The following ENAM variants were observed in gnomAD, a reference collection of about 807,000 sequenced individuals.
ENAM encodes the protein enamelin.
ENAM carries 21 observed loss-of-function variants against 33.6 expected under a neutral mutation model. That is an observed-to-expected ratio of 0.63 (90% confidence interval 0.44 to 0.90). The LOEUF (loss-of-function observed/expected upper bound fraction) is 0.90, where lower values mean the gene tolerates loss of function less well. ENAM is among the 40% of genes least tolerant of loss of function. ENAM has a pLI of 0.00. For missense variants in ENAM, 1,388 were observed against 1,366.9 expected, an observed-to-expected ratio of 1.02 and a Z score of -0.24; for synonymous variants, 473 against 468.4, an observed-to-expected ratio of 1.01 and a Z score of -0.13.
At chr4:70,633,531 G>T (rs1464013191) in intron 5 of ENAM, among the ~76,000 whole-genome samples, 1 of 152,028 alleles carries the variant, frequency 6.6e-6, no homozygotes, top group East Asian at 1.9e-4. Context: ...CAAAGCGTGG[G>T]TACATCATCT....
rs1738724355 is a variant in ENAM, at chr4:70,645,100, A to G, written c.*245A>G. The G allele has an allele frequency of 1.9e-6, 1 of 526,256 alleles. No individual in the cohort carries two copies. The highest frequency in any genetic ancestry group is 3.4e-6 in the Non-Finnish European group (1 of 296,338). 32.6% of individuals were successfully genotyped at this position (526,256 alleles called of 1,614,324 possible). A position where few individuals can be genotyped will look rare whatever the true frequency, so the allele number is the denominator to read the frequency against. ...TTAAAAAAGCAAGAAGGCCATGACCATCCCTGCCTCGAAACTTGCAAGTCA... is the reference window on the plus strand; with the variant it reads ...TTAAAAAAGCAAGAAGGCCATGACCGTCCCTGCCTCGAAACTTGCAAGTCA... On this transcript the variant is annotated 3_prime_UTR_variant, in exon 9 of 9. Transcript: ENST00000396073.
intron 2 of ENAM, among the ~76,000 whole-genome samples, chr4:70,630,558 C>A (rs1409427386): frequency 6.6e-6 from 1 of 152,090 alleles, no homozygotes; most frequent in Admixed American, 6.6e-5. Flanking sequence ...AAATACGAGA[C>A]TTAATTTTAC....
rs766941651 is a variant in ENAM, at chr4:70,644,303, T to A, written c.2877T>A (p.Ser959=). The A allele has an allele frequency of 6.2e-7, 1 of 1,614,232 alleles. No individual in the cohort carries two copies. Among genetic ancestry groups the A allele is most frequent in the South Asian group, 1.1e-5 (1 of 91,086 alleles). ...CGCTGAGGAGGAACACACCATGTTC[T>A]ATAAAGAATCAACTGGGCCAAAAGG... is the stretch of plus-strand genomic sequence containing the variant. ...VSTLRRNTPC[S]IKNQLGQKEI... The change falls in exon 9 of 9, where the codon TCT becomes TCA. Residue 959 remains serine (S), a synonymous_variant. Coordinates refer to ENST00000396073, the MANE Select transcript of ENAM (RefSeq NM_031889.3).
In ENAM at chr4:70,643,948, CAG is replaced by C. The variant is rs777916966; in HGVS notation, c.2530_2531del (p.Glu844ThrfsTer6). ...ATGCAAATAACTAGGATGAATTCTC[CAG>C]AGAGAGAACATTCATCTTTCCCTAA... On this transcript the variant is annotated frameshift_variant, in exon 9 of 9. Coordinates refer to ENST00000396073, the MANE Select transcript of ENAM (RefSeq NM_031889.3). LOFTEE classifies it low-confidence loss of function (END_TRUNC). 1 of 1,614,050 alleles carries C rather than the reference CAG, an allele frequency of 6.2e-7. No homozygotes were observed. Among genetic ancestry groups the C allele is most frequent in the South Asian group, 1.1e-5 (1 of 91,058 alleles).
At chr4:70,629,243 A>G (rs949066582) in intron 1 of ENAM, among the ~76,000 whole-genome samples, 198 bp from the exon 2 acceptor site, 2 of 152,130 alleles carry the variant, frequency 1.3e-5, no homozygotes, top group Non-Finnish European at 2.9e-5. Context: ...CCCTAGAAGT[A>G]TCTCAAAATA....
At chr4:70,641,205 A>G (rs534154345) in intron 8 of ENAM, among the ~76,000 whole-genome samples, 1 of 152,262 alleles carries the variant, frequency 6.6e-6, no homozygotes, top group South Asian at 2.1e-4. Context: ...GGGTGCATTC[A>G]GTTGGAGGTA....
rs913267973 is a variant in ENAM at position 70,646,640 on chromosome 4, T to C, written c.*1785T>C. The C allele has an allele frequency of 2.0e-5, 3 of 152,192 alleles. No individual in the cohort carries two copies. Among genetic ancestry groups the C allele is most frequent in the African/African-American group, 4.8e-5 (2 of 41,450 alleles). The allele number at this position is 152,192 out of a possible 1,614,324, so 9.4% of individuals were successfully genotyped here. The stretch of plus-strand genomic sequence containing the variant: ...TATATATTCAGCAACATTTCCATCA[T>C]AGAATTTCAGCGTTAGAAGGGATCT... On this transcript the variant is annotated 3_prime_UTR_variant, in exon 9 of 9. Transcript: ENST00000396073.
At chr4:70,635,949 T>C (rs1738442274) in intron 7 of ENAM, 55 bp downstream of exon 7, 1 of 892,760 alleles carries the variant, frequency 1.1e-6, no homozygotes, top group African/African-American at 1.7e-5. Flanking sequence ...TAGTATGTTA[T>C]AATTTAAATT....
Position 70,639,636 on chromosome 4 carries a change from C to T in ENAM, c.588+1793C>T, listed in dbSNP as rs117082523. 7.6e-4 allele frequency among the ~76,000 whole-genome samples: 115 copies of T among 152,214 alleles called. 2 individuals are homozygous for T. In the East Asian group the frequency reaches 0.021, roughly 28 times the overall value. ...ATCTGAATTTAGATAGGCACAATGG[C>T]TCACACCTGTAATCCCAACACTTTG... is the stretch of plus-strand genomic sequence containing the variant. On this transcript the variant is annotated intron_variant, in intron 8 of 8. Transcript: ENST00000396073.
chr4:70,636,162 A>G (rs963362974), intron 7 of ENAM, among the ~76,000 whole-genome samples: 1 of 152,194 alleles, frequency 6.6e-6, no homozygotes, highest in African/African-American at 2.4e-5. Context: ...AGGTTGCACT[A>G]CTTCATTACT....
rs1199137308 is a variant in ENAM, at chr4:70,643,407, G to A, written c.1981G>A (p.Gly661Arg). The part of the protein sequence containing the change: ...YNEEDPVDPT[G>R]DEVFPGQNRW... ...TGAAGAGGACCCAGTTGATCCAACT[G>A]GAGATGAAGTCTTTCCTGGACAAAA... is the stretch of plus-strand genomic sequence containing the variant. Residue 661 changes from glycine (G) to arginine (R), a missense_variant, in exon 9 of 9, where the codon GGA becomes AGA. Transcript: ENST00000396073. The A allele has an allele frequency of 6.2e-7, 1 of 1,614,120 alleles. No homozygotes were observed. Among genetic ancestry groups the A allele is most frequent in the African/African-American group, 1.3e-5 (1 of 75,034 alleles).
intron 2 of ENAM, 78 bp downstream of exon 2, chr4:70,629,632 C>A: frequency 9.8e-7 from 1 of 1,024,630 alleles, no homozygotes; most frequent in Non-Finnish European, 1.6e-6. Flanking sequence ...TTGAGAGGGC[C>A]AAACACTACT....
chr4:70,636,054 T>TAGAG lies in ENAM; in HGVS notation c.534+161_534+162insGAGA, dbSNP rs201212976. Among the ~76,000 whole-genome samples, 27,394 of 152,042 alleles carry TAGAG rather than the reference T, an allele frequency of 0.18. 5,732 individuals are homozygous for TAGAG. Among genetic ancestry groups the TAGAG allele is most frequent in the African/African-American group, 0.51 (21,275 of 41,362 alleles). The stretch of plus-strand genomic sequence containing the variant: ...CATCAGTAATCATGCAGAAAAAGAA[T>TAGAG]AATTTTTTGAATTTCATACTCAGAC... On this transcript the variant is annotated intron_variant, in intron 7 of 8. Coordinates refer to ENST00000396073, the MANE Select transcript of ENAM (RefSeq NM_031889.3).
Position 70,642,231 on chromosome 4 carries a change from C to T in ENAM, c.805C>T (p.Pro269Ser), listed in dbSNP as rs145272575. ...GAGTCAGGGAGGAAATGACACCAGC[C>T]CCACAGGAAACAGTACCCCAGGACT... ...KGSQGGNDTS[P>S]TGNSTPGLNT... Residue 269 changes from proline (P) to serine (S), a missense_variant, in exon 9 of 9, where the codon CCC becomes TCC. Pro to Ser is a moderately conservative substitution (Grantham distance 74). Transcript: ENST00000396073. The T allele has an allele frequency of 1.9e-6, 3 of 1,614,064 alleles. No individual in the cohort carries two copies. The highest frequency in any genetic ancestry group is 2.5e-6 in the Non-Finnish European group (3 of 1,179,982).
chr4:70,635,416 C>T (rs1375346345), intron 6 of ENAM, among the ~76,000 whole-genome samples: 7 of 152,032 alleles, frequency 4.6e-5, no homozygotes, highest in African/African-American at 1.7e-4. Context: ...GGTCAGTTAA[C>T]ACTTATTATC....
chr4:70,643,830 G>A lies in ENAM; in HGVS notation c.2404G>A (p.Asp802Asn). Residue 802 changes from aspartate (D) to asparagine (N), a missense_variant, in exon 9 of 9, where the codon GAC becomes AAC. Asp to Asn is a conservative substitution (Grantham distance 23, BLOSUM62 1). Transcript: ENST00000396073. ...ACAAAAAGCCCCAGCTAGGCCACCAGACCAGAAAGGTAACCAGCCCTATTA... is the reference window on the plus strand; with the variant it reads ...ACAAAAAGCCCCAGCTAGGCCACCAAACCAGAAAGGTAACCAGCCCTATTA... The part of the protein sequence containing the change: ...HLQKAPARPP[D>N]QKGNQPYYSN... The A allele has an allele frequency of 6.2e-7, 1 of 1,614,088 alleles. No homozygotes were observed. Among genetic ancestry groups the A allele is most frequent in the Non-Finnish European group, 8.5e-7 (1 of 1,180,014 alleles).
At position 70,639,356 on chromosome 4, in the gene ENAM, G is replaced by T. The variant is rs374945560; in HGVS notation, c.588+1513G>T. Among the ~76,000 whole-genome samples, 46 of 152,224 alleles carry T rather than the reference G, an allele frequency of 3.0e-4. No homozygotes were observed. The East Asian group carries it at 8.7e-3, about 29-fold the overall frequency. On this transcript the variant is annotated intron_variant, in intron 8 of 8. Coordinates refer to ENST00000396073, the MANE Select transcript of ENAM (RefSeq NM_031889.3). ...TGCAATCCCAGCACTTTGGGAGGCT[G>T]AGGCAGGTGGATCACTTGAGGTAAG...
intron 7 of ENAM, among the ~76,000 whole-genome samples, chr4:70,637,510 G>T (rs918205864): frequency 6.6e-6 from 1 of 152,028 alleles, no homozygotes; most frequent in African/African-American, 2.4e-5. Flanking sequence ...GAGTGTTGGA[G>T]GTGGTAAGGA....
chr4:70,634,242 T>C, intron 5 of ENAM, 66 bp from the exon 6 acceptor site: 1 of 1,513,776 alleles, frequency 6.6e-7, no homozygotes, highest in African/African-American at 1.4e-5. Context: ...AGGCTGACAT[T>C]AGAGGATGGA....
Sources: allele counts gnomAD v4.1 joint callset (sites outside exome capture counted in the v4.1 genomes callset), GRCh38; gene constraint gnomAD v4.1.1; transcripts MANE v1.5; gene names NCBI Gene and HGNC (gene_info 2026-07-23, HGNC 2026-07-21).